CABP1: variants seen among roughly 807,000 people sequenced by gnomAD.
The protein encoded by CABP1 is calcium-binding protein 1.
CABP1 carries 17 observed loss-of-function variants against 34.3 expected under a neutral mutation model. The observed-to-expected ratio is 0.50, with a 90% CI of 0.34 to 0.74. The LOEUF is 0.74. Ranked by LOEUF, CABP1 falls within the 30% of genes least tolerant of loss-of-function variation. The pLI is 0.01. For synonymous variants in CABP1, 198 were observed against 229.2 expected, an observed-to-expected ratio of 0.86 and a Z score of 1.23; for missense variants, 373 against 511.1, an observed-to-expected ratio of 0.73 and a Z score of 2.61.
intron 5 of CABP1, among the ~76,000 whole-genome samples, chr12:120,665,817 C>G (rs953798210): frequency 1.3e-5 from 2 of 150,650 alleles, no homozygotes. Flanking sequence ...GTCAGGAGAT[C>G]GAGACCATCC....
chr12:120,680,762 G>T, the CABP1 span, among the ~76,000 whole-genome samples: 2 of 152,018 alleles, frequency 1.3e-5, no homozygotes, highest in African/African-American at 2.4e-5. Context: ...TCCTGCCCTG[G>T]GTTCAGGCCC....
chr12:120,670,431 C>T (rs572946438), downstream of CABP1, among the ~76,000 whole-genome samples: 7 of 152,170 alleles, frequency 4.6e-5, no homozygotes, highest in South Asian at 2.1e-4. Flanking sequence ...CTGGGGAGCT[C>T]TGGGTGTGTC....
At position 120,660,738 on chromosome 12, in the gene CABP1, C is replaced by T. The variant is rs1171898342; in HGVS notation, c.837C>T (p.Gly279=). 2 of 1,610,242 alleles carry T rather than the reference C, an allele frequency of 1.2e-6. No homozygotes were observed. ...LSQQINMNLG[G]HVDFDDFVEL... is the part of the protein sequence containing the mutation. ...CCTTTCCTCCTTTTCCAGTGGGTGGCCATGTAGATTTTGATGACTTCGTGG... is the reference window on the plus strand; with the variant it reads ...CCTTTCCTCCTTTTCCAGTGGGTGGTCATGTAGATTTTGATGACTTCGTGG... The change falls in exon 4 of 6, where the codon GGC becomes GGT. Residue 279 remains glycine (G), a synonymous_variant. Coordinates refer to ENST00000316803, the MANE Select transcript of CABP1 (RefSeq NM_001033677.2). The surrounding 1 kb of genome is among the most constrained non-coding windows in gnomAD (Gnocchi z 5.0).
chr12:120,662,294 A>G (rs931480148), intron 5 of CABP1: 2 of 152,278 alleles, frequency 1.3e-5, no homozygotes, highest in Admixed American at 6.5e-5. Context: ...ACTTGTGATC[A>G]GTGAAGCTGC....
At chr12:120,671,964 ATGCTGAGGTGGGAGAAT>A (rs1454024199), downstream of CABP1, among the ~76,000 whole-genome samples, 2 of 152,318 alleles carry the variant, frequency 1.3e-5, no homozygotes, top group Admixed American at 1.3e-4. Flanking sequence ...GCTACTTGGG[ATGCTGAGGTGGGAGAAT>A]TGCTTGAGCC....
At chr12:120,670,059 G>A (rs934216240), downstream of CABP1, among the ~76,000 whole-genome samples, 1 of 152,068 alleles carries the variant, frequency 6.6e-6, no homozygotes, top group Non-Finnish European at 1.5e-5. Context: ...CTGGAGTGCA[G>A]TGGTGGGATC....
At chr12:120,671,314 G>C (rs1168807456), downstream of CABP1, among the ~76,000 whole-genome samples, 11 of 152,312 alleles carry the variant, frequency 7.2e-5, no homozygotes, top group East Asian at 2.1e-3. Flanking sequence ...CTGAGCAGGA[G>C]AATCACTTGG....
Position 120,661,399 on chromosome 12 carries a change from A to G in CABP1, c.1087+181A>G, listed in dbSNP as rs1201170129. ...TCCATCTCCCATCCCTTCCCCATGC[A>G]TCTATTCATGCATCTGTCCATCCAT... On this transcript the variant is annotated intron_variant, in intron 5 of 5. Transcript: ENST00000316803. This position sits in a 1 kb window ranked among gnomAD's most constrained non-coding sequence, Gnocchi z 5.1. 3.3e-6 allele frequency: 2 copies of G among 610,658 alleles called. No homozygotes were observed. The highest frequency in any genetic ancestry group is 5.7e-6 in the Non-Finnish European group (2 of 353,664). The allele number at this position is 610,658 out of a possible 1,614,324, so 37.8% of individuals were successfully genotyped here.
chr12:120,658,355 C>G (rs562055813), intron 1 of CABP1, among the ~76,000 whole-genome samples: 1 of 152,106 alleles, frequency 6.6e-6, no homozygotes, highest in Non-Finnish European at 1.5e-5. Context: ...GCCTTGGCCT[C>G]GTAAAGTGCT....
At chr12:120,666,830 C>T in intron 5 of CABP1, 45 bp from the exon 6 acceptor site, 1 of 1,581,728 alleles carries the variant, frequency 6.3e-7, no homozygotes, top group Non-Finnish European at 8.6e-7. Flanking sequence ...CCTGGGGAGG[C>T]CTCTGGCTGC....
downstream of CABP1, among the ~76,000 whole-genome samples, chr12:120,669,905 C>T (rs754774342): frequency 7.2e-5 from 11 of 152,150 alleles, no homozygotes; most frequent in Admixed American, 6.6e-4. Context: ...TAGGACTCCT[C>T]CCCAGTAATT....
chr12:120,660,458 C>T lies in CABP1; in HGVS notation c.829+119C>T. ...CTCTTACCAGCTCTGTGATCTGGGG[C>T]CAACCACTTACCCTCTCTGAGCCTC... On this transcript the variant is annotated intron_variant, in intron 3 of 5. Transcript: ENST00000316803. The surrounding 1 kb of genome is among the most constrained non-coding windows in gnomAD (Gnocchi z 5.0). The T allele has an allele frequency of 8.9e-7, 1 of 1,128,148 alleles. No individual in the cohort carries two copies. Among genetic ancestry groups the T allele is most frequent in the Non-Finnish European group, 1.3e-6 (1 of 798,380 alleles). The allele number at this position is 1,128,148 out of a possible 1,614,324, so 69.9% of individuals were successfully genotyped here.
intron 5 of CABP1, among the ~76,000 whole-genome samples, chr12:120,662,581 G>A (rs541777763): frequency 6.6e-6 from 1 of 151,560 alleles, no homozygotes; most frequent in East Asian, 1.9e-4. Context: ...GGCTAGTCTT[G>A]AACTCCTGAC....
At position 120,640,825 on chromosome 12, in the gene CABP1, C is replaced by A; in HGVS notation, c.140C>A (p.Pro47Gln). Residue 47 changes from proline to glutamine, a missense_variant, in exon 1 of 6, where the codon CCG becomes CAG. Physicochemically the swap from Pro to Gln is moderately conservative, Grantham distance 76. Around this residue, in one of 4 missense-constraint regions of CABP1, gnomAD observed 134 missense variants for 145.4 expected, o/e 0.92. Transcript: ENST00000316803. The surrounding 1 kb of genome is among the most constrained non-coding windows in gnomAD (Gnocchi z 6.2). ...GPAPRRTAPP[P>Q]PGHASAGPAA... ...GCGCCGCGCCGCACCGCGCCGCCCC[C>A]GCCGGGCCATGCGAGCGCGGGCCCC... is the stretch of plus-strand genomic sequence containing the variant. The A allele has an allele frequency of 9.2e-7, 1 of 1,081,964 alleles. No homozygotes were observed. Among genetic ancestry groups the A allele is most frequent in the Non-Finnish European group, 1.1e-6 (1 of 894,088 alleles). The allele number at this position is 1,081,964 out of a possible 1,614,324, so 67.0% of individuals were successfully genotyped here.
In CABP1 at chr12:120,641,095, T is replaced by C; in HGVS notation, c.410T>C (p.Val137Ala). The change falls in exon 1 of 6, where the codon GTG (valine) becomes GCG (alanine). Residue 137 changes from valine to alanine, a missense_variant. Around this residue, in one of 4 missense-constraint regions of CABP1, gnomAD observed 121 missense variants for 125.5 expected, o/e 0.96. Coordinates refer to ENST00000316803, the MANE Select transcript of CABP1 (RefSeq NM_001033677.2). This position sits in a 1 kb window ranked among gnomAD's most constrained non-coding sequence, Gnocchi z 6.7. The part of the protein sequence containing the change: ...REEGARGSQR[V>A]LPQAHCRPRE... Reference sequence around the variant, plus strand: ...GAGGGCGCGCGGGGGAGCCAGCGTGTGCTCCCCCAGGCGCACTGCAGGCCC... The same window carrying C: ...GAGGGCGCGCGGGGGAGCCAGCGTGCGCTCCCCCAGGCGCACTGCAGGCCC... The C allele has an allele frequency of 8.3e-7, 1 of 1,204,332 alleles. No individual in the cohort carries two copies. The highest frequency in any genetic ancestry group is 1.0e-6 in the Non-Finnish European group (1 of 970,642). 74.6% of individuals were successfully genotyped at this position (1,204,332 alleles called of 1,614,324 possible). A position where few individuals can be genotyped will look rare whatever the true frequency, so the allele number is the denominator to read the frequency against.
In CABP1 at chr12:120,661,286, G is replaced by A. The variant is rs1456209543; in HGVS notation, c.1087+68G>A. 2 of 1,546,468 alleles carry A rather than the reference G, an allele frequency of 1.3e-6. No homozygotes were observed. The highest frequency in any genetic ancestry group is 8.7e-7 in the Non-Finnish European group (1 of 1,148,364). ...GCCATCCATGGAGCCCTCCAATTGT[G>A]TATCCATCATGCAACCATCAATCCG... On this transcript the variant is annotated intron_variant, in intron 5 of 5. Coordinates refer to ENST00000316803, the MANE Select transcript of CABP1 (RefSeq NM_001033677.2). This position sits in a 1 kb window ranked among gnomAD's most constrained non-coding sequence, Gnocchi z 5.1.
Position 120,641,147 on chromosome 12 carries a change from C to T in CABP1, c.462C>T (p.Ser154=), listed in dbSNP as rs1034524430. 16 of 1,234,788 alleles carry T rather than the reference C, an allele frequency of 1.3e-5. No homozygotes were observed. Among genetic ancestry groups the T allele is most frequent in the Non-Finnish European group, 1.6e-5 (16 of 991,410 alleles). 76.5% of individuals were successfully genotyped at this position (1,234,788 alleles called of 1,614,324 possible). A position where few individuals can be genotyped will look rare whatever the true frequency, so the allele number is the denominator to read the frequency against. Residue 154 remains serine (S), a synonymous_variant, in exon 1 of 6, where the codon TCC becomes TCT. Transcript: ENST00000316803. The surrounding 1 kb of genome is among the most constrained non-coding windows in gnomAD (Gnocchi z 6.7). The part of the protein sequence containing the change: ...RPREALPAAA[S]RPSPSSPLPP... ...GGGAGGCGCTGCCGGCCGCGGCGTC[C>T]CGACCTTCGCCGTCGTCGCCGCTGC...
In CABP1 at chr12:120,659,684, G is replaced by C. The variant is rs3889469; in HGVS notation, c.655-194G>C. 5.3e-3 allele frequency: 2,814 copies of C among 530,388 alleles called. 60 individuals carry two copies. The highest frequency in any genetic ancestry group is 0.048 in the African/African-American group (2,478 of 51,448). The allele number at this position is 530,388 out of a possible 1,614,324, so 32.9% of individuals were successfully genotyped here. A position where few individuals can be genotyped will look rare whatever the true frequency, so the allele number is the denominator to read the frequency against. On this transcript the variant is annotated intron_variant, in intron 1 of 5. Coordinates refer to ENST00000316803, the MANE Select transcript of CABP1 (RefSeq NM_001033677.2). ...GCTTCTTGGGCATCTCCTGTTAGGG[G>C]CCCAGGAGCTTCTATGTCTAAGGGA...
chr12:120,650,478 A>G, intron 1 of CABP1: 1 of 1,496,182 alleles, frequency 6.7e-7, no homozygotes. Flanking sequence ...GACGAGTAAG[A>G]GAGCACGCGC....
Sources: gnomAD v4.1 joint callset for allele counts (sites outside exome capture counted in the v4.1 genomes callset) on GRCh38, gnomAD v4.1.1 for gene constraint, gnomAD v4.1.1 regional missense constraint, Gnocchi (gnomAD v3.1) non-coding constraint, MANE v1.5 for transcripts, NCBI Gene and HGNC (gene_info 2026-07-23, HGNC 2026-07-21) for gene names.